Variants in CAP2 observed in about 807,000 individuals in gnomAD.
CAP2 encodes the protein adenylyl cyclase-associated protein 2.
Under a neutral mutation model 57.7 loss-of-function variants are expected in CAP2, and 24 were observed. The observed-to-expected ratio is 0.42, with a 90% CI of 0.30 to 0.58. CAP2 has a LOEUF of 0.58. Ranked by LOEUF, CAP2 falls within the 20% of genes least tolerant of loss-of-function variation. The pLI is 0.22. For missense variants in CAP2, 501 were observed against 590.3 expected, an observed-to-expected ratio of 0.85 and a Z score of 1.57; for synonymous variants, 194 against 207.2, an observed-to-expected ratio of 0.94 and a Z score of 0.55.
At chr6:17,457,191 T>A (rs193201845) in intron 3 of CAP2, among the ~76,000 whole-genome samples, 1 of 152,218 alleles carries the variant, frequency 6.6e-6, no homozygotes, top group Non-Finnish European at 1.5e-5. Context: ...TGCACACACA[T>A]GCTCACAGGC....
At chr6:17,507,900 A>G (rs1320226426) in intron 6 of CAP2, among the ~76,000 whole-genome samples, 174 bp downstream of exon 6, 3 of 152,246 alleles carry the variant, frequency 2.0e-5, no homozygotes, top group Admixed American at 2.0e-4. Context: ...AGTGGAATCA[A>G]TTATCCAGAT....
chr6:17,499,997 G>T (rs1490860107), intron 4 of CAP2, among the ~76,000 whole-genome samples: 1 of 151,804 alleles, frequency 6.6e-6, no homozygotes, highest in African/African-American at 2.4e-5. Flanking sequence ...CAAGGAATCT[G>T]TTATTATTCA....
chr6:17,416,145 C>T (rs989397130), intron 1 of CAP2, among the ~76,000 whole-genome samples: 5 of 151,512 alleles, frequency 3.3e-5, no homozygotes, highest in Admixed American at 2.6e-4. Flanking sequence ...CGCACATACA[C>T]GTAGACTTGA....
At chr6:17,524,085 A>G (rs912577632) in intron 7 of CAP2, among the ~76,000 whole-genome samples, 8 of 69,860 alleles carry the variant, frequency 1.1e-4, no homozygotes, top group African/African-American at 2.0e-4. Flanking sequence ...AAAAAAAAAA[A>G]AAAAAAAAAA....
chr6:17,455,444 C>CCAAAT (rs1455911446), intron 3 of CAP2, among the ~76,000 whole-genome samples: 6 of 152,208 alleles, frequency 3.9e-5, no homozygotes, highest in Admixed American at 2.0e-4. Context: ...ATGTAGAACC[C>CCAAAT]CAAATCAAAG....
At chr6:17,436,121 C>CCTTCCTTG (rs1339504118) in intron 3 of CAP2, among the ~76,000 whole-genome samples, 1 of 148,964 alleles carries the variant, frequency 6.7e-6, no homozygotes, top group Non-Finnish European at 1.5e-5. Flanking sequence ...TTCCTTCCTT[C>CCTTCCTTG]CCTCCTTCCT....
At chr6:17,424,266 G>A (rs1045307412) in intron 2 of CAP2, among the ~76,000 whole-genome samples, 15 of 152,184 alleles carry the variant, frequency 9.9e-5, no homozygotes, top group Non-Finnish European at 2.1e-4. Flanking sequence ...TGGGCGTGGT[G>A]GCGGGCGCCT....
chr6:17,544,676 C>T (rs1020015208), intron 11 of CAP2, among the ~76,000 whole-genome samples: 10 of 152,268 alleles, frequency 6.6e-5, no homozygotes, highest in African/African-American at 2.4e-4. Flanking sequence ...CCTCAGCCCC[C>T]TGAGTAGCTG....
intron 4 of CAP2, among the ~76,000 whole-genome samples, chr6:17,493,139 A>G (rs1203105416): frequency 6.6e-6 from 1 of 152,186 alleles, no homozygotes; most frequent in Non-Finnish European, 1.5e-5. Context: ...CCCAGATCAC[A>G]TTGGACTTTT....
chr6:17,551,811 GGTA>G (rs1240668650), intron 12 of CAP2, among the ~76,000 whole-genome samples: 1 of 152,146 alleles, frequency 6.6e-6, no homozygotes, highest in Non-Finnish European at 1.5e-5. Context: ...CGATTCTCAA[GGTA>G]GTGTACTAAT....
chr6:17,461,218 C>CTTTTTT (rs35423332), intron 3 of CAP2, among the ~76,000 whole-genome samples: 4 of 147,968 alleles, frequency 2.7e-5, no homozygotes, highest in Non-Finnish European at 3.0e-5. Flanking sequence ...TCTTTGAAAC[C>CTTTTTT]TTTTTTTTTT....
chr6:17,426,903 C>G (rs1759605480), intron 3 of CAP2, among the ~76,000 whole-genome samples: 2 of 152,160 alleles, frequency 1.3e-5, no homozygotes, highest in Admixed American at 6.5e-5. Context: ...GCTCTGGAAG[C>G]TAGGAGCATG....
chr6:17,545,193 A>G (rs1323358220), intron 11 of CAP2, among the ~76,000 whole-genome samples: 2 of 152,202 alleles, frequency 1.3e-5, no homozygotes, highest in Non-Finnish European at 2.9e-5. Flanking sequence ...ACAGTTGAAA[A>G]GTATCTTGGA....
At chr6:17,413,613 A>G (rs973862061) in intron 1 of CAP2, among the ~76,000 whole-genome samples, 1 of 152,222 alleles carries the variant, frequency 6.6e-6, no homozygotes, top group Non-Finnish European at 1.5e-5. Context: ...CCAGTTAAAA[A>G]ATGAATGAAT....
intron 1 of CAP2, among the ~76,000 whole-genome samples, chr6:17,404,625 G>A (rs1250637197): frequency 1.4e-5 from 2 of 147,226 alleles, no homozygotes; most frequent in African/African-American, 5.0e-5. Flanking sequence ...AAAAAATTTA[G>A]CTGGACTTGG....
intron 1 of CAP2, among the ~76,000 whole-genome samples, chr6:17,411,999 C>T (rs1464506726): frequency 6.6e-6 from 1 of 152,154 alleles, no homozygotes; most frequent in Non-Finnish European, 1.5e-5. Context: ...TTTAGCTAAG[C>T]GAGCTTCCAC....
At chr6:17,486,731 G>T (rs532788973) in intron 4 of CAP2, among the ~76,000 whole-genome samples, 1 of 152,328 alleles carries the variant, frequency 6.6e-6, no homozygotes, top group African/African-American at 2.4e-5. Flanking sequence ...AAAGCCTAGG[G>T]ATCTAAACAT....
chr6:17,483,329 T>C (rs112144710), intron 4 of CAP2, among the ~76,000 whole-genome samples: 1,690 of 152,342 alleles, frequency 0.011, 32 homozygotes, highest in African/African-American at 0.038. Context: ...ATTTTCTTGA[T>C]TTCTTTTTTT....
At position 17,463,137 on chromosome 6, in the gene CAP2, G is replaced by A. The variant is rs1222595384; in HGVS notation, c.300+64G>A. The A allele has an allele frequency of 3.5e-6, 4 of 1,149,772 alleles. 1 individual carries two copies. Among genetic ancestry groups the A allele is most frequent in the Non-Finnish European group, 5.2e-6 (4 of 764,282 alleles). The allele number at this position is 1,149,772 out of a possible 1,614,324, so 71.2% of individuals were successfully genotyped here. A position where few individuals can be genotyped will look rare whatever the true frequency, so the allele number is the denominator to read the frequency against. ...TGCGCAGTGTAAGATGGAAAACAAG[G>A]AGGCAACAGAAGCATTTATTATAGT... On this transcript the variant is annotated intron_variant, in intron 4 of 12. Coordinates refer to ENST00000229922, the MANE Select transcript of CAP2 (RefSeq NM_006366.3).
Sources: gnomAD v4.1 joint callset for allele counts (sites outside exome capture counted in the v4.1 genomes callset) on GRCh38, gnomAD v4.1.1 for gene constraint, MANE v1.5 for transcripts, NCBI Gene and HGNC (gene_info 2026-07-23, HGNC 2026-07-21) for gene names.